The following CACNA2D4 variants were observed in gnomAD, a reference collection of about 807,000 sequenced individuals.
The protein encoded by CACNA2D4 is voltage-dependent calcium channel subunit alpha-2/delta-4.
CACNA2D4 carries 157 observed loss-of-function variants against 163.8 expected under a neutral mutation model. That is an observed-to-expected ratio of 0.96 (90% CI 0.84 to 1.09). The LOEUF is 1.09. Ranked by LOEUF, CACNA2D4 falls within the 50% of genes least tolerant of loss-of-function variation. The pLI is 0.00. For missense variants in CACNA2D4, 1,410 were observed against 1,479.9 expected (o/e 0.95, Z 0.78); for synonymous variants, 598 against 586.9 (o/e 1.02, Z -0.27).
intron 3 of CACNA2D4, among the ~76,000 whole-genome samples, chr12:1,910,651 A>G (rs1866789452): frequency 6.6e-6 from 1 of 152,246 alleles, no homozygotes; most frequent in Admixed American, 6.5e-5. Context: ...TATGCACACA[A>G]TGGAATATTA....
At chr12:1,837,622 C>A (rs747652670) in intron 26 of CACNA2D4, among the ~76,000 whole-genome samples, 1 of 152,124 alleles carries the variant, frequency 6.6e-6, no homozygotes, top group Admixed American at 6.5e-5. Context: ...AACAACCCAG[C>A]GAGCCAGGAG....
intron 26 of CACNA2D4, chr12:1,827,893 G>A (rs560439752): frequency 3.3e-5 from 13 of 396,714 alleles, no homozygotes; most frequent in East Asian, 1.5e-4. Context: ...AGCCTGCCCC[G>A]CCCCCATCCC....
chr12:1,796,125 A>G (rs1458232726), intron 35 of CACNA2D4, among the ~76,000 whole-genome samples: 1 of 152,232 alleles, frequency 6.6e-6, no homozygotes, highest in African/African-American at 2.4e-5. Flanking sequence ...GCGAGGCAAC[A>G]CTTGCTCTGG....
rs553188804 is a variant in CACNA2D4, at chr12:1,835,002, T to A, written c.2551+5737A>T. 6.2e-6 allele frequency: 3 copies of A among 486,768 alleles called. No individual in the cohort carries two copies. The South Asian group carries it at 1.0e-4, about 16-fold the overall frequency. 30.2% of individuals were successfully genotyped at this position (486,768 alleles called of 1,614,324 possible). ...CTCTGGCCACAGCAAAGCAAGGAGG[T>A]GTGTGCAAGAGGAGGCTTCCGGACT... On this transcript the variant is annotated intron_variant, in intron 26 of 37. Coordinates refer to ENST00000382722, the MANE Select transcript of CACNA2D4 (RefSeq NM_172364.5).
rs1592678109 is a variant in CACNA2D4, at chr12:1,823,542, G to A, written c.2552-11819C>T. Reference sequence around the variant, plus strand: ...ATGTGGAACCCCCTGCTCCTACTGGGGCCTCCTGCTCCCCCATGGCCTCCC... The same window carrying A: ...ATGTGGAACCCCCTGCTCCTACTGGAGCCTCCTGCTCCCCCATGGCCTCCC... On this transcript the variant is annotated intron_variant, in intron 26 of 37. Transcript: ENST00000382722. Among the ~76,000 whole-genome samples the A allele has an allele frequency of 2.0e-5, 3 of 152,104 alleles. No homozygotes were observed. In the East Asian group the frequency reaches 5.8e-4, roughly 29 times the overall value.
chr12:1,832,837 G>A (rs142785954), intron 26 of CACNA2D4, among the ~76,000 whole-genome samples: 1 of 152,206 alleles, frequency 6.6e-6, no homozygotes, highest in Non-Finnish European at 1.5e-5. Flanking sequence ...AAACTCATAA[G>A]TAATTAAATA....
chr12:1,914,011 A>G (rs1866898140), intron 2 of CACNA2D4, among the ~76,000 whole-genome samples: 1 of 152,230 alleles, frequency 6.6e-6, no homozygotes, highest in Admixed American at 6.5e-5. Context: ...GCGGGGCCTC[A>G]GCTGTCATCG....
intron 26 of CACNA2D4, among the ~76,000 whole-genome samples, chr12:1,819,283 G>A (rs1864000803): frequency 6.6e-6 from 1 of 152,168 alleles, no homozygotes; most frequent in East Asian, 1.9e-4. Flanking sequence ...ACAGTGGGAT[G>A]TGTGGGAGGC....
chr12:1,826,606 C>A (rs1046173301), intron 26 of CACNA2D4, among the ~76,000 whole-genome samples: 24 of 152,242 alleles, frequency 1.6e-4, no homozygotes, highest in African/African-American at 5.8e-4. Context: ...CTGCCAACGC[C>A]TGCGGGGCCT....
At chr12:1,872,166 G>A (rs1865800573) in intron 18 of CACNA2D4, among the ~76,000 whole-genome samples, 1 of 152,180 alleles carries the variant, frequency 6.6e-6, no homozygotes, top group African/African-American at 2.4e-5. Flanking sequence ...TTTTTGGAAT[G>A]AGTTGCACAT....
Position 1,856,023 on chromosome 12 carries a change from G to C in CACNA2D4, c.2141C>G (p.Pro714Arg), listed in dbSNP as rs1177853577. 17 of 1,613,460 alleles carry C rather than the reference G, an allele frequency of 1.1e-5. No individual in the cohort carries two copies. In the Admixed American group the frequency reaches 2.8e-4, roughly 27 times the overall value. The change falls in exon 22 of 38, where the codon CCA (proline) becomes CGA (arginine). Residue 714 changes from proline to arginine, a missense_variant. Transcript: ENST00000382722. ...CGGCCAGCACTCACACTCCAGGTCT[G>C]GGTCCTTCCTGGTGAGGAAGCGGAT... ...AMIRFLTRKD[P>R]DLECDEELVR...
At chr12:1,812,098 C>G (rs1330999471) in intron 26 of CACNA2D4, among the ~76,000 whole-genome samples, 1 of 152,178 alleles carries the variant, frequency 6.6e-6, no homozygotes, top group Non-Finnish European at 1.5e-5. Context: ...CAGAGAGACC[C>G]ACCCTTTTGA....
intron 6 of CACNA2D4, among the ~76,000 whole-genome samples, chr12:1,904,217 C>G (rs1866603132): frequency 6.6e-6 from 1 of 151,548 alleles, no homozygotes. Flanking sequence ...CTACCAGAGG[C>G]TGGGAAGGGT....
At chr12:1,918,173 A>T in intron 1 of CACNA2D4, 74 bp downstream of exon 1, 4 of 1,123,428 alleles carry the variant, frequency 3.6e-6, no homozygotes, top group Non-Finnish European at 5.2e-6. Flanking sequence ...TGGGCAGAGG[A>T]TGGAGGCCCA....
rs1015899949 is a variant in CACNA2D4, at chr12:1,800,292, G to C, written c.2921+94C>G. ...CCCGGGGTCTGGTAGCAAGTGGGTT[G>C]TCCTGGAGACCTTGCAGCCTCCTGC... On this transcript the variant is annotated intron_variant, in intron 32 of 37. Coordinates refer to ENST00000382722, the MANE Select transcript of CACNA2D4 (RefSeq NM_172364.5). 4.3e-6 allele frequency: 6 copies of C among 1,380,946 alleles called. No individual in the cohort carries two copies. In the Admixed American group the frequency reaches 8.5e-5, roughly 20 times the overall value. The allele number at this position is 1,380,946 out of a possible 1,614,324, so 85.5% of individuals were successfully genotyped here.
At chr12:1,858,024 A>G (rs1865437705) in intron 20 of CACNA2D4, among the ~76,000 whole-genome samples, 1 of 152,222 alleles carries the variant, frequency 6.6e-6, no homozygotes, top group South Asian at 2.1e-4. Context: ...TGAGGCTCCT[A>G]GACCTGGAAG....
At position 1,834,878 on chromosome 12, in the gene CACNA2D4, C is replaced by A. The variant is rs1864789670; in HGVS notation, c.2551+5861G>T. ...CAAGCCACACCGGGTTCTCTCCCTG[C>A]ACTTTCGAGGCTCCCTGAAAGCCAC... On this transcript the variant is annotated intron_variant, in intron 26 of 37. Coordinates refer to ENST00000382722, the MANE Select transcript of CACNA2D4 (RefSeq NM_172364.5). This position sits in a 1 kb window ranked among gnomAD's most constrained non-coding sequence, Gnocchi z 7.6. 1.4e-5 allele frequency: 19 copies of A among 1,383,118 alleles called. No homozygotes were observed. The highest frequency in any genetic ancestry group is 1.7e-5 in the Non-Finnish European group (18 of 1,054,376). The allele number at this position is 1,383,118 out of a possible 1,614,324, so 85.7% of individuals were successfully genotyped here.
chr12:1,893,361 C>A (rs564675239), intron 6 of CACNA2D4, among the ~76,000 whole-genome samples: 1 of 151,696 alleles, frequency 6.6e-6, no homozygotes, highest in Non-Finnish European at 1.5e-5. Context: ...ACTAAAAATA[C>A]AAAAAAAATT....
chr12:1,852,215 C>A (rs1163795131), intron 23 of CACNA2D4, among the ~76,000 whole-genome samples: 1 of 152,132 alleles, frequency 6.6e-6, no homozygotes, highest in Admixed American at 6.6e-5. Context: ...ATTGCCTCTG[C>A]TTGCTTTCTC....
Sources: gnomAD v4.1 joint callset for allele counts (sites outside exome capture counted in the v4.1 genomes callset) on GRCh38, gnomAD v4.1.1 for gene constraint, Gnocchi (gnomAD v3.1) non-coding constraint, MANE v1.5 for transcripts, NCBI Gene and HGNC (gene_info 2026-07-23, HGNC 2026-07-21) for gene names.